Variants in ITGA11 observed in about 807,000 individuals in gnomAD.
The protein encoded by ITGA11 is integrin alpha-11.
Under a neutral mutation model 141.9 loss-of-function variants are expected in ITGA11, and 97 were observed. That is an observed-to-expected ratio of 0.68 (90% confidence interval 0.58 to 0.81). The LOEUF (loss-of-function observed/expected upper bound fraction) is 0.81, where lower values mean the gene tolerates loss of function less well. Ranked by LOEUF, ITGA11 falls within the 30% of genes least tolerant of loss-of-function variation. ITGA11 has a pLI of 0.00. For synonymous variants in ITGA11, 658 were observed against 624.6 expected (o/e 1.05, Z -0.80); for missense variants, 1,387 against 1,559.2 (o/e 0.89, Z 1.86).
intron 1 of ITGA11, among the ~76,000 whole-genome samples, chr15:68,424,000 C>T (rs1897080055): frequency 6.6e-6 from 1 of 152,206 alleles, no homozygotes; most frequent in African/African-American, 2.4e-5. Context: ...GAACCCCCCG[C>T]CCCAGTGCCG....
chr15:68,331,784 G>T, intron 14 of ITGA11, 75 bp downstream of exon 14: 1 of 1,271,602 alleles, frequency 7.9e-7, no homozygotes, highest in Non-Finnish European at 1.1e-6. Flanking sequence ...AACCAGATGA[G>T]GCACAGAAGC....
In ITGA11 at chr15:68,416,136, T is replaced by C. The variant is rs185513221; in HGVS notation, c.53-13107A>G. The stretch of plus-strand genomic sequence containing the variant: ...CCTGTTATCTGTCCCATCCCCTCAA[T>C]GTCCTGTTGTATGGTAGATAAACTA... On this transcript the variant is annotated intron_variant, in intron 1 of 29. Transcript: ENST00000315757. 3.0e-4 allele frequency among the ~76,000 whole-genome samples: 45 copies of C among 152,324 alleles called. 1 individual carries two copies. Among genetic ancestry groups the C allele is most frequent in the Admixed American group, 2.8e-3 (43 of 15,300 alleles).
chr15:68,344,551 C>A (rs970729778), intron 10 of ITGA11, among the ~76,000 whole-genome samples: 6 of 152,078 alleles, frequency 3.9e-5, no homozygotes, highest in Non-Finnish European at 8.8e-5. Flanking sequence ...GGTAGCTCAT[C>A]TGGGATGTTT....
chr15:68,363,625 C>CA (rs1419177631), intron 4 of ITGA11, among the ~76,000 whole-genome samples: 1 of 152,210 alleles, frequency 6.6e-6, no homozygotes, highest in Non-Finnish European at 1.5e-5. Context: ...CAAAGACTGA[C>CA]ACAAGCACCC....
At chr15:68,403,456 C>T (rs911145230) in intron 1 of ITGA11, among the ~76,000 whole-genome samples, 6 of 151,954 alleles carry the variant, frequency 3.9e-5, no homozygotes, top group African/African-American at 1.5e-4. Context: ...TGTGGGGCCT[C>T]CCCCCTCTCT....
intron 2 of ITGA11, among the ~76,000 whole-genome samples, chr15:68,384,996 C>A (rs1448855320): frequency 6.6e-6 from 1 of 152,252 alleles, no homozygotes; most frequent in Non-Finnish European, 1.5e-5. Context: ...GACACCATAC[C>A]CTTTCTCCAG....
chr15:68,332,525 C>T (rs1375990562), intron 12 of ITGA11, 47 bp from the exon 13 acceptor site: 1 of 1,598,100 alleles, frequency 6.3e-7, no homozygotes, highest in Non-Finnish European at 8.5e-7. Flanking sequence ...GCCCAGCTCG[C>T]ACAACCCAGA....
intron 1 of ITGA11, among the ~76,000 whole-genome samples, chr15:68,418,855 T>C (rs915940566): frequency 2.0e-5 from 3 of 151,516 alleles, no homozygotes; most frequent in Non-Finnish European, 2.9e-5. Context: ...AAGAGCCCTG[T>C]GCATGTGGGA....
intron 26 of ITGA11, among the ~76,000 whole-genome samples, chr15:68,310,719 T>A (rs898105979): frequency 3.3e-5 from 5 of 152,226 alleles, no homozygotes; most frequent in Admixed American, 2.6e-4. Context: ...CCCACCCCTT[T>A]CTGCTCGTTT....
At chr15:68,412,510 G>A (rs1400064301) in intron 1 of ITGA11, among the ~76,000 whole-genome samples, 2 of 152,192 alleles carry the variant, frequency 1.3e-5, no homozygotes, top group Non-Finnish European at 2.9e-5. Flanking sequence ...GAGCAGCTCT[G>A]TGCAGAACGG....
chr15:68,312,171 C>G (rs558162354), intron 24 of ITGA11, among the ~76,000 whole-genome samples: 1 of 152,250 alleles, frequency 6.6e-6, no homozygotes, highest in Admixed American at 6.5e-5. Flanking sequence ...TCCCACTTTC[C>G]TTAGTGGCAG....
intron 28 of ITGA11, among the ~76,000 whole-genome samples, chr15:68,306,457 G>A (rs1893200935): frequency 6.6e-6 from 1 of 152,138 alleles, no homozygotes; most frequent in Non-Finnish European, 1.5e-5. Flanking sequence ...TTCCGGGGAT[G>A]TCCCTCGCTC....
In ITGA11 at chr15:68,307,847, G is replaced by A. The variant is rs1210332142; in HGVS notation, c.3175-151C>T. 1.3e-5 allele frequency among the ~76,000 whole-genome samples: 2 copies of A among 152,136 alleles called. No homozygotes were observed. Among genetic ancestry groups the A allele is most frequent in the African/African-American group, 2.4e-5 (1 of 41,428 alleles). On this transcript the variant is annotated intron_variant, in intron 26 of 29. Transcript: ENST00000315757. The surrounding 1 kb of genome is among the most constrained non-coding windows in gnomAD (Gnocchi z 6.1). ...GTTGGGAGTGGGGGACATGTGCATT[G>A]CGTCTGCCAGGGGATGACTGAAGGA...
chr15:68,384,860 C>A (rs1029930021), intron 2 of ITGA11, among the ~76,000 whole-genome samples: 1 of 150,482 alleles, frequency 6.6e-6, no homozygotes, highest in Admixed American at 6.6e-5. Flanking sequence ...TCCACAGCAA[C>A]AACCAAGGCT....
Position 68,357,288 on chromosome 15 carries a change from C to A in ITGA11, c.612G>T (p.Val204=). ...CATGCACCACATCTTCGCCATACTG[C>A]ACAACTCCAACCTGCAAGGGAGAGG... ...IGPGQIQVGV[V]QYGEDVVHEF... is the part of the protein sequence containing the mutation. The change falls in exon 7 of 30, where the codon GTG becomes GTT. Residue 204 remains valine (V), a synonymous_variant. Coordinates refer to ENST00000315757, the MANE Select transcript of ITGA11 (RefSeq NM_001004439.2). 1 of 1,613,190 alleles carries A rather than the reference C, an allele frequency of 6.2e-7. No homozygotes were observed. The highest frequency in any genetic ancestry group is 2.2e-5 in the East Asian group (1 of 44,878).
At chr15:68,424,904 G>A (rs1897105754) in intron 1 of ITGA11, among the ~76,000 whole-genome samples, 1 of 152,228 alleles carries the variant, frequency 6.6e-6, no homozygotes, top group African/African-American at 2.4e-5. Context: ...GCTTAAAAAT[G>A]ACCTCACAGC....
At chr15:68,323,082 C>T (rs1893861790) in intron 18 of ITGA11, among the ~76,000 whole-genome samples, 1 of 152,136 alleles carries the variant, frequency 6.6e-6, no homozygotes. Context: ...ATTAACTTTT[C>T]TCGAAGGAGA....
chr15:68,391,145 G>A (rs1222245353), intron 2 of ITGA11, among the ~76,000 whole-genome samples: 2 of 152,184 alleles, frequency 1.3e-5, no homozygotes, highest in Admixed American at 1.3e-4. Flanking sequence ...ACACAAGTGG[G>A]AACAGAGATT....
intron 26 of ITGA11, 38 bp downstream of exon 26, chr15:68,310,956 C>A (rs1379539182): frequency 5.2e-6 from 8 of 1,529,624 alleles, no homozygotes; most frequent in Non-Finnish European, 3.6e-6. Context: ...ACGCCTCTAA[C>A]CCCAACCACT....
Sources: allele counts gnomAD v4.1 joint callset (sites outside exome capture counted in the v4.1 genomes callset), GRCh38; gene constraint gnomAD v4.1.1; non-coding constraint Gnocchi (gnomAD v3.1); transcripts MANE v1.5; gene names NCBI Gene and HGNC (gene_info 2026-07-23, HGNC 2026-07-21).